Variants in DNAAF4 observed in about 807,000 individuals in gnomAD.
DNAAF4 encodes dynein assembly factor 4, axonemal.
In DNAAF4, 43 loss-of-function variants were observed where a neutral mutation model predicts 51.8. The ratio of observed to expected loss-of-function variants is 0.83; its 90% CI spans 0.65 to 1.07. The LOEUF (loss-of-function observed/expected upper bound fraction) is 1.07, where lower values mean the gene tolerates loss of function less well. Ranked by LOEUF, DNAAF4 falls within the 50% of genes least tolerant of loss-of-function variation. The pLI is 0.00. For missense variants in DNAAF4, 581 were observed against 493.0 expected, an observed-to-expected ratio of 1.18 and a Z score of -1.69; for synonymous variants, 194 against 165.6, an observed-to-expected ratio of 1.17 and a Z score of -1.32.
chr15:55,425,110 C>G (rs1053843935), intron 7 of DNAAF4, among the ~76,000 whole-genome samples: 1 of 152,128 alleles, frequency 6.6e-6, no homozygotes, highest in Non-Finnish European at 1.5e-5. Flanking sequence ...GTTGATCCGC[C>G]CACCTCGGCC....
chr15:55,472,907 T>G (rs917018711), intron 4 of DNAAF4, among the ~76,000 whole-genome samples: 4 of 152,186 alleles, frequency 2.6e-5, no homozygotes, highest in African/African-American at 9.6e-5. Context: ...GGCTCACGCC[T>G]GTAAACCCAA....
intron 5 of DNAAF4, among the ~76,000 whole-genome samples, chr15:55,466,711 T>G (rs1595924185): frequency 6.6e-6 from 1 of 152,212 alleles, no homozygotes; most frequent in East Asian, 1.9e-4. Context: ...AAGACACTCT[T>G]CTTTTCGAAT....
At chr15:55,433,791 A>G (rs1278367262) in intron 8 of DNAAF4, among the ~76,000 whole-genome samples, 1 of 102,136 alleles carries the variant, frequency 9.8e-6, no homozygotes, top group African/African-American at 3.8e-5. Context: ...AAACAAATAT[A>G]TATATTTGTT....
chr15:55,494,775 G>C (rs1039970236), intron 3 of DNAAF4, among the ~76,000 whole-genome samples: 1 of 151,992 alleles, frequency 6.6e-6, no homozygotes, highest in African/African-American at 2.4e-5. Context: ...TGACCCATGG[G>C]CCAAATCCGA....
intron 5 of DNAAF4, among the ~76,000 whole-genome samples, chr15:55,456,753 A>G (rs2058026504): frequency 6.6e-6 from 1 of 152,182 alleles, no homozygotes; most frequent in Non-Finnish European, 1.5e-5. Flanking sequence ...GAACCTGAAA[A>G]TCCAGATCAC....
intron 1 of DNAAF4, among the ~76,000 whole-genome samples, chr15:55,504,453 C>T (rs562085227): frequency 1.6e-4 from 25 of 152,242 alleles, no homozygotes; most frequent in East Asian, 3.9e-4. Context: ...AAAAAGAACC[C>T]GCATAGCCAA....
At chr15:55,451,717 A>C (rs1018607596) in intron 5 of DNAAF4, among the ~76,000 whole-genome samples, 2 of 152,072 alleles carry the variant, frequency 1.3e-5, no homozygotes, top group African/African-American at 4.8e-5. Flanking sequence ...TGGCTCAAAA[A>C]ATCCTCCCAT....
chr15:55,495,641 A>G (rs1262354790), intron 3 of DNAAF4, among the ~76,000 whole-genome samples: 1 of 152,196 alleles, frequency 6.6e-6, no homozygotes, highest in Admixed American at 6.5e-5. Flanking sequence ...AGGTCGAGGC[A>G]GGAGAATTGC....
In DNAAF4 at chr15:55,430,734, T is replaced by G. The variant is rs763437062; in HGVS notation, c.1199A>C (p.Lys400Thr). The G allele has an allele frequency of 6.2e-7, 1 of 1,613,500 alleles. No homozygotes were observed. The highest frequency in any genetic ancestry group is 2.2e-5 in the East Asian group (1 of 44,762). ...CTTCTCAGCATCAATTTGTACAATTTTGTTGGATGGATCAATCTTAAGTGC... is the reference window on the plus strand; with the variant it reads ...CTTCTCAGCATCAATTTGTACAATTGTGTTGGATGGATCAATCTTAAGTGC... Reference protein sequence around the residue: ...EAALKIDPSNKIVQIDAEKIR... With the variant: ...EAALKIDPSNTIVQIDAEKIR... Residue 400 changes from lysine to threonine, a missense_variant, in exon 10 of 10, where the codon AAA becomes ACA. Physicochemically the swap from Lys to Thr is moderately conservative, Grantham distance 78. Transcript: ENST00000321149.
intron 4 of DNAAF4, among the ~76,000 whole-genome samples, chr15:55,482,021 AT>A (rs1307137518): frequency 1.3e-5 from 2 of 152,204 alleles, no homozygotes; most frequent in Non-Finnish European, 2.9e-5. Context: ...CTGAAAGAAC[AT>A]TGCAATCGGG....
At chr15:55,489,763 G>T (rs887272818) in intron 4 of DNAAF4, among the ~76,000 whole-genome samples, 5 of 151,094 alleles carry the variant, frequency 3.3e-5, no homozygotes, top group Non-Finnish European at 7.4e-5. Flanking sequence ...AGAAAACAAT[G>T]CTAGTTATGA....
At chr15:55,423,487 C>G (rs937602507) in intron 7 of DNAAF4, among the ~76,000 whole-genome samples, 1 of 152,106 alleles carries the variant, frequency 6.6e-6, no homozygotes, top group Admixed American at 6.6e-5. Context: ...GGATTATAGG[C>G]ATAACCCACC....
intron 5 of DNAAF4, among the ~76,000 whole-genome samples, chr15:55,455,178 G>A (rs1325701591): frequency 6.8e-6 from 1 of 147,942 alleles, no homozygotes; most frequent in African/African-American, 2.5e-5. Context: ...AGTTTTAGGG[G>A]AAGTTTTACT....
intron 7 of DNAAF4, among the ~76,000 whole-genome samples, chr15:55,423,907 T>C (rs765772088): frequency 3.9e-5 from 6 of 152,102 alleles, no homozygotes; most frequent in African/African-American, 7.2e-5. Flanking sequence ...CTGGGCAACA[T>C]GGTGAAAAGC....
chr15:55,484,212 G>A (rs1290001295), intron 4 of DNAAF4, among the ~76,000 whole-genome samples: 51 of 152,010 alleles, frequency 3.4e-4, no homozygotes, highest in African/African-American at 4.8e-5. Context: ...GGCCGGGCGC[G>A]GTGGCTCATG....
intron 7 of DNAAF4, among the ~76,000 whole-genome samples, chr15:55,436,623 A>G (rs7174011): frequency 0.99 from 151,064 of 152,258 alleles, 74,947 homozygotes; most frequent in Middle Eastern, 1. Flanking sequence ...GGCCTCAGGT[A>G]ATCCACCCAC....
intron 7 of DNAAF4, among the ~76,000 whole-genome samples, chr15:55,419,297 T>C (rs1184596836): frequency 1.3e-5 from 2 of 152,108 alleles, no homozygotes; most frequent in African/African-American, 4.8e-5. Context: ...TGATCATGGT[T>C]CACTGCAACC....
intron 5 of DNAAF4, among the ~76,000 whole-genome samples, chr15:55,453,507 G>C (rs2057968336): frequency 6.8e-6 from 1 of 147,372 alleles, no homozygotes; most frequent in Non-Finnish European, 1.5e-5. Context: ...AAACTAAGAA[G>C]CTAGTGACAA....
chr15:55,427,262 T>G (rs773220109), downstream of DNAAF4, among the ~76,000 whole-genome samples: 2 of 152,010 alleles, frequency 1.3e-5, no homozygotes, highest in Non-Finnish European at 2.9e-5. Context: ...GAGACGGGGT[T>G]TCACCATCTT....
Sources: gnomAD v4.1 joint callset for allele counts (sites outside exome capture counted in the v4.1 genomes callset) on GRCh38, gnomAD v4.1.1 for gene constraint, MANE v1.5 for transcripts, NCBI Gene and HGNC (gene_info 2026-07-23, HGNC 2026-07-21) for gene names.